Variants in LRP4 observed in about 807,000 individuals in gnomAD.
LRP4 encodes the protein low-density lipoprotein receptor-related protein 4.
Under a neutral mutation model 220.3 loss-of-function variants are expected in LRP4, and 95 were observed. The ratio of observed to expected loss-of-function variants is 0.43; its 90% CI spans 0.37 to 0.51. The LOEUF (loss-of-function observed/expected upper bound fraction) is 0.51. Ranked by LOEUF, LRP4 falls within the 20% of genes least tolerant of loss-of-function variation. The probability of loss-of-function intolerance (pLI) is 0.00; values close to 1 mark genes in which losing one functional copy is unlikely to be tolerated. For synonymous variants in LRP4, 903 were observed against 954.6 expected (o/e 0.95, Z 1.00); for missense variants, 1,925 against 2,567.0 (o/e 0.75, Z 5.40).
Position 46,873,106 on chromosome 11 carries a change from G to A in LRP4, c.4577C>T (p.Thr1526Ile). 1 of 1,614,186 alleles carries A rather than the reference G, an allele frequency of 6.2e-7. No individual in the cohort carries two copies. The highest frequency in any genetic ancestry group is 8.5e-7 in the Non-Finnish European group (1 of 1,180,042). Residue 1526 changes from threonine (T) to isoleucine (I), a missense_variant, in exon 30 of 38, where the codon ACC becomes ATC. Around this residue, in one of 3 missense-constraint regions of LRP4, gnomAD observed 1,244 missense variants for 1,624.9 expected, o/e 0.77. Transcript: ENST00000378623. The surrounding 1 kb of genome is among the most constrained non-coding windows in gnomAD (Gnocchi z 4.2). The part of the protein sequence containing the change: ...WPNGLTLDYD[T>I]RRIYWVDAHL... The stretch of plus-strand genomic sequence containing the variant: ...TTTGATGCAAGACTCCCACCTGCGG[G>A]TATCATAGTCCAGGGTAAGGCCATT...
chr11:46,884,102 G>C (rs1034079357), intron 18 of LRP4, 126 bp from the exon 19 acceptor site: 1 of 737,610 alleles, frequency 1.4e-6, no homozygotes, highest in Non-Finnish European at 2.4e-6. Context: ...GATATTTTGT[G>C]ACAGATGCAC....
intron 2 of LRP4, among the ~76,000 whole-genome samples, chr11:46,900,595 G>A (rs1341991621): frequency 2.0e-5 from 3 of 151,648 alleles, no homozygotes; most frequent in Admixed American, 2.0e-4. Flanking sequence ...AGCCTCCCAA[G>A]TAGCTGGGAT....
Position 46,889,454 on chromosome 11 carries a change from G to A in LRP4, c.2172C>T (p.Cys724=), listed in dbSNP as rs1334438646. Residue 724 remains cysteine, a synonymous_variant, in exon 16 of 38, where the codon TGC becomes TGT. Transcript: ENST00000378623. ...TGCTGATCTTGCGGAAGCCAGTGGGGCAGGCACAGGTGTAGTTCTGGCCAC... is the reference window on the plus strand; with the variant it reads ...TGCTGATCTTGCGGAAGCCAGTGGGACAGGCACAGGTGTAGTTCTGGCCAC... The part of the protein sequence containing the change: ...LPSGQNYTCA[C]PTGFRKISSH... The A allele has an allele frequency of 1.9e-6, 3 of 1,614,122 alleles. No individual in the cohort carries two copies. Among genetic ancestry groups the A allele is most frequent in the South Asian group, 2.2e-5 (2 of 91,088 alleles).
intron 19 of LRP4, among the ~76,000 whole-genome samples, chr11:46,882,495 A>C (rs898109680): frequency 2.0e-5 from 3 of 151,942 alleles, no homozygotes; most frequent in Non-Finnish European, 4.4e-5. Context: ...AGAAAAAAAC[A>C]AAAAGAGAAA....
rs753744837 is a variant in LRP4, at chr11:46,890,421, TG to T, written c.1770del (p.Ile591SerfsTer220). On this transcript the variant is annotated frameshift_variant, in exon 14 of 38. Transcript: ENST00000378623. LOFTEE classifies it high-confidence loss of function. This position sits in a 1 kb window ranked among gnomAD's most constrained non-coding sequence, Gnocchi z 5.3. ...CAGAAGAGATGGGTATCGGCAATGA[TG>T]CGGCGTCCAGAGCCATCCATGCTGG... ...EASSMDGSGR[R>X]IIADTHLFWP... 1 of 1,614,094 alleles carries T rather than the reference TG, an allele frequency of 6.2e-7. No homozygotes were observed.
At chr11:46,891,338 T>C (rs1180781462) in intron 13 of LRP4, among the ~76,000 whole-genome samples, 4 of 151,898 alleles carry the variant, frequency 2.6e-5, no homozygotes, top group Admixed American at 6.6e-5. Flanking sequence ...GGTCTCAAAC[T>C]CCTGACCCCA....
chr11:46,896,041 G>C (rs200134840), intron 9 of LRP4, 23 bp from the exon 10 acceptor site: 1 of 1,613,970 alleles, frequency 6.2e-7, no homozygotes, highest in Admixed American at 1.7e-5. Context: ...AGCCAGAGTT[G>C]GGAGTTGAGC....
chr11:46,888,474 A>ACCCT, intron 16 of LRP4, among the ~76,000 whole-genome samples: 2 of 138,850 alleles, frequency 1.4e-5, no homozygotes, highest in Non-Finnish European at 3.1e-5. Flanking sequence ...AATAGCTTGA[A>ACCCT]CCTGGGAAGT....
intron 1 of LRP4, among the ~76,000 whole-genome samples, chr11:46,917,390 A>G (rs911597177): frequency 1.3e-5 from 2 of 152,150 alleles, no homozygotes; most frequent in African/African-American, 4.8e-5. Context: ...CAAACTAGGG[A>G]AAGCTGCTCA....
chr11:46,916,529 C>T (rs1437875778), intron 1 of LRP4, among the ~76,000 whole-genome samples: 1 of 145,748 alleles, frequency 6.9e-6, no homozygotes, highest in Non-Finnish European at 1.5e-5. Flanking sequence ...CAATTCTCTC[C>T]CCCCATTCTC....
chr11:46,894,628 T>C lies in LRP4; in HGVS notation c.1501A>G (p.Asn501Asp). 6.2e-7 allele frequency: 1 copy of C among 1,613,262 alleles called. No individual in the cohort carries two copies. The highest frequency in any genetic ancestry group is 8.5e-7 in the Non-Finnish European group (1 of 1,179,562). The change falls in exon 12 of 38, where the codon AAC becomes GAC. Residue 501 changes from asparagine to aspartate, a missense_variant. Physicochemically the swap from Asn to Asp is conservative, Grantham distance 23. This residue lies in a region of LRP4 where 269 missense variants were observed against 436.7 expected (regional missense o/e 0.62). Coordinates refer to ENST00000378623, the MANE Select transcript of LRP4 (RefSeq NM_002334.4). ...CCAGTAGACACAACCTCCTCCACGTTGCTGCCGTTGAGGTTGGCACGGAGG... is the reference window on the plus strand; with the variant it reads ...CCAGTAGACACAACCTCCTCCACGTCGCTGCCGTTGAGGTTGGCACGGAGG... ...RILRANLNGS[N>D]VEEVVSTGLE...
At chr11:46,912,777 C>T (rs974103334) in intron 1 of LRP4, among the ~76,000 whole-genome samples, 7 of 152,220 alleles carry the variant, frequency 4.6e-5, no homozygotes, top group African/African-American at 1.7e-4. Flanking sequence ...TTCTCTGTAC[C>T]TGCTCTGCCC....
chr11:46,860,118 C>G (rs1260385264), intron 37 of LRP4, among the ~76,000 whole-genome samples: 1 of 151,432 alleles, frequency 6.6e-6, no homozygotes, highest in Non-Finnish European at 1.5e-5. Flanking sequence ...GCCTGTAATC[C>G]CAGCTATTTG....
chr11:46,884,812 G>T (rs1941247916), intron 18 of LRP4, among the ~76,000 whole-genome samples: 1 of 151,616 alleles, frequency 6.6e-6, no homozygotes, highest in Non-Finnish European at 1.5e-5. Context: ...TCGGGAGGCT[G>T]AGGCAGAAGA....
chr11:46,886,591 GAC>G, intron 16 of LRP4, 58 bp from the exon 17 acceptor site: 7 of 1,417,420 alleles, frequency 4.9e-6, no homozygotes, highest in South Asian at 1.2e-5. Context: ...AACAGTGACA[GAC>G]ACAGACGCTC....
Position 46,902,971 on chromosome 11 carries a change from C to A in LRP4, c.53-42G>T, listed in dbSNP as rs372404960. ...GGAATCAGTGAGGGCTCAGCTCCCA[C>A]TCAACCCAAGCCCATTCCGAGGGGA... is the stretch of plus-strand genomic sequence containing the variant. On this transcript the variant is annotated intron_variant, in intron 1 of 37. Coordinates refer to ENST00000378623, the MANE Select transcript of LRP4 (RefSeq NM_002334.4). 110 of 1,613,096 alleles carry A rather than the reference C, an allele frequency of 6.8e-5. No individual in the cohort carries two copies. In the East Asian group the frequency reaches 2.2e-3, roughly 32 times the overall value.
At chr11:46,871,171 G>A (rs1312707537) in intron 31 of LRP4, among the ~76,000 whole-genome samples, 1 of 152,094 alleles carries the variant, frequency 6.6e-6, no homozygotes. Context: ...GATTAACTGG[G>A]GAACTTGTCA....
chr11:46,889,122 T>C lies in LRP4; in HGVS notation c.2215+289A>G, dbSNP rs1302925243. Among the ~76,000 whole-genome samples the C allele has an allele frequency of 3.9e-5, 6 of 152,228 alleles. 1 individual carries two copies. In the East Asian group the frequency reaches 1.2e-3, roughly 29 times the overall value. ...TTTTCTAGAAGAGCATAAAACCCTC[T>C]TGCTGCCTATAGAGAAGGCAATCCT... On this transcript the variant is annotated intron_variant, in intron 16 of 37. Transcript: ENST00000378623.
Position 46,895,943 on chromosome 11 carries a change from GC to G in LRP4, c.1123del (p.Ala375GlnfsTer22). On this transcript the variant is annotated frameshift_variant, in exon 10 of 38. Coordinates refer to ENST00000378623, the MANE Select transcript of LRP4 (RefSeq NM_002334.4). LOFTEE classifies it high-confidence loss of function. ...CAQKCQMVRGAVQCTCHTGYR... is the reference protein window; with the variant it reads ...CAQKCQMVRGXVQCTCHTGYR... Reference sequence around the variant, plus strand: ...GCCTGTGTGGCAGGTACACTGCACTGCCCCCCGCACCATCTGGCACTTCTGG... The same window carrying G: ...GCCTGTGTGGCAGGTACACTGCACTGCCCCCGCACCATCTGGCACTTCTGG... The G allele has an allele frequency of 6.2e-7, 1 of 1,613,920 alleles. No homozygotes were observed. The highest frequency in any genetic ancestry group is 8.5e-7 in the Non-Finnish European group (1 of 1,180,006).
Sources: allele counts gnomAD v4.1 joint callset (sites outside exome capture counted in the v4.1 genomes callset), GRCh38; gene constraint gnomAD v4.1.1; regional missense constraint gnomAD v4.1.1; non-coding constraint Gnocchi (gnomAD v3.1); transcripts MANE v1.5; gene names NCBI Gene and HGNC (gene_info 2026-07-23, HGNC 2026-07-21).